The following RAB3B variants were observed in gnomAD, a reference collection of about 807,000 sequenced individuals.
The protein encoded by RAB3B is ras-related protein Rab-3B.
RAB3B carries 11 observed loss-of-function variants against 20.5 expected under a neutral mutation model. That is an observed-to-expected ratio of 0.54 (90% CI 0.34 to 0.89). The LOEUF (loss-of-function observed/expected upper bound fraction) is 0.89. Among genes scored for constraint, RAB3B ranks in the 40% least tolerant of loss-of-function variants. RAB3B has a pLI of 0.02. For synonymous variants in RAB3B, 99 were observed against 106.3 expected, an observed-to-expected ratio of 0.93 and a Z score of 0.42; for missense variants, 225 against 280.9, an observed-to-expected ratio of 0.80 and a Z score of 1.42.
At position 51,977,082 on chromosome 1, in the gene RAB3B, T is replaced by C. The variant is rs764324507; in HGVS notation, c.36A>G (p.Lys12=). The C allele has an allele frequency of 1.2e-6, 2 of 1,614,214 alleles. No homozygotes were observed. The highest frequency in any genetic ancestry group is 1.7e-6 in the Non-Finnish European group (2 of 1,180,030). ...ASVTDGKTGV[K]DASDQNFDYM... ...AGTCAAAATTCTGGTCAGAGGCATC[T>C]TTGACTCCAGTTTTACCATCTGTCA... The change falls in exon 2 of 5, where the codon AAA becomes AAG. Residue 12 remains lysine (K), a synonymous_variant. Coordinates refer to ENST00000371655, the MANE Select transcript of RAB3B (RefSeq NM_002867.4).
chr1:51,933,249 CCT>C (rs928271725), intron 4 of RAB3B, 67 bp downstream of exon 4: 33 of 1,527,702 alleles, frequency 2.2e-5, no homozygotes, highest in Non-Finnish European at 2.6e-5. Flanking sequence ...ACACTCGTAC[CCT>C]GTTTACCCCA....
chr1:51,918,786 A>G lies in RAB3B; in HGVS notation c.*1141T>C, dbSNP rs1190788860. 1 of 152,222 alleles carries G rather than the reference A, an allele frequency of 6.6e-6. No homozygotes were observed. Among genetic ancestry groups the G allele is most frequent in the African/African-American group, 2.4e-5 (1 of 41,448 alleles). 9.4% of individuals were successfully genotyped at this position (152,222 alleles called of 1,614,324 possible). A position where few individuals can be genotyped will look rare whatever the true frequency, so the allele number is the denominator to read the frequency against. ...CTCAGGTTCTAGGAGTCTAAGAACT[A>G]ATAACCAATTTCACTAAGTTCCCAC... is the stretch of plus-strand genomic sequence containing the variant. On this transcript the variant is annotated 3_prime_UTR_variant, in exon 5 of 5. Transcript: ENST00000371655.
intron 2 of RAB3B, among the ~76,000 whole-genome samples, chr1:51,957,310 A>T (rs983036929): frequency 3.9e-5 from 6 of 152,156 alleles, no homozygotes; most frequent in Admixed American, 2.6e-4. Flanking sequence ...TCCTTATCAC[A>T]TCCTCCAAGA....
intron 4 of RAB3B, among the ~76,000 whole-genome samples, chr1:51,931,156 A>G (rs898155900): frequency 1.3e-5 from 2 of 152,146 alleles, no homozygotes; most frequent in Admixed American, 1.3e-4. Flanking sequence ...TTTGGGCAAC[A>G]CTACTCCAGA....
chr1:51,923,102 A>G (rs1378280568), intron 4 of RAB3B, among the ~76,000 whole-genome samples: 1 of 152,234 alleles, frequency 6.6e-6, no homozygotes, highest in Non-Finnish European at 1.5e-5. Flanking sequence ...CATGCTAATA[A>G]AGGCATCAGT....
chr1:51,929,048 T>C (rs1280322232), intron 4 of RAB3B, among the ~76,000 whole-genome samples: 2 of 152,218 alleles, frequency 1.3e-5, no homozygotes, highest in East Asian at 3.9e-4. Context: ...ATTGGGACTA[T>C]GTTGCCATAC....
At chr1:51,970,542 C>A (rs1422374157) in intron 2 of RAB3B, among the ~76,000 whole-genome samples, 3 of 152,088 alleles carry the variant, frequency 2.0e-5, no homozygotes, top group Admixed American at 1.3e-4. Context: ...GACAGAAATT[C>A]CTATTGTGGG....
intron 2 of RAB3B, among the ~76,000 whole-genome samples, chr1:51,965,882 G>A (rs971152042): frequency 1.3e-5 from 2 of 152,012 alleles, no homozygotes; most frequent in African/African-American, 4.8e-5. Context: ...TAGGGCAACT[G>A]GGCAAAGGAC....
intron 2 of RAB3B, among the ~76,000 whole-genome samples, chr1:51,968,713 A>G (rs1319753506): frequency 1.3e-5 from 2 of 152,204 alleles, no homozygotes; most frequent in Non-Finnish European, 2.9e-5. Flanking sequence ...ACTAGCTTTA[A>G]TATTTATAAA....
At chr1:51,953,404 T>C (rs1459844123) in intron 2 of RAB3B, among the ~76,000 whole-genome samples, 1 of 152,168 alleles carries the variant, frequency 6.6e-6, no homozygotes, top group Non-Finnish European at 1.5e-5. Context: ...TTATACTTAA[T>C]ACATCCCCAG....
chr1:51,974,125 C>A (rs887556972), intron 2 of RAB3B, among the ~76,000 whole-genome samples: 8 of 152,212 alleles, frequency 5.3e-5, no homozygotes, highest in Admixed American at 3.9e-4. Flanking sequence ...CCACTCTCTG[C>A]TCTTTCACAA....
At chr1:51,966,189 A>G (rs962327836) in intron 2 of RAB3B, among the ~76,000 whole-genome samples, 8 of 152,164 alleles carry the variant, frequency 5.3e-5, no homozygotes, top group Non-Finnish European at 8.8e-5. Flanking sequence ...CCACCTGTAA[A>G]GCTCTTACTC....
chr1:51,989,142 T>A, intron 1 of RAB3B, among the ~76,000 whole-genome samples: 1 of 50,832 alleles, frequency 2.0e-5, no homozygotes. Flanking sequence ...CATCCTCTCC[T>A]TTTACTGTCT....
intron 2 of RAB3B, among the ~76,000 whole-genome samples, chr1:51,953,077 C>T (rs1684660954): frequency 1.3e-5 from 2 of 152,236 alleles, no homozygotes; most frequent in Admixed American, 1.3e-4. Flanking sequence ...TTATGAGTAC[C>T]CCACACGCAT....
intron 2 of RAB3B, among the ~76,000 whole-genome samples, chr1:51,951,891 A>C (rs972213573): frequency 1.3e-5 from 2 of 152,190 alleles, no homozygotes; most frequent in African/African-American, 4.8e-5. Flanking sequence ...AGAGGGTAGA[A>C]AAGAAGTCAC....
At chr1:51,980,383 G>A in intron 1 of RAB3B, 2 of 381,642 alleles carry the variant, frequency 5.2e-6, no homozygotes, top group Non-Finnish European at 9.6e-6. Flanking sequence ...AACCATGATT[G>A]TGCCACTGCA....
At chr1:51,980,802 C>G (rs1685077349) in intron 1 of RAB3B, 1 of 748,664 alleles carries the variant, frequency 1.3e-6, no homozygotes. Flanking sequence ...CCCCACGACC[C>G]CCACCAAAGC....
intron 4 of RAB3B, among the ~76,000 whole-genome samples, chr1:51,931,251 C>T (rs965117936): frequency 6.6e-6 from 1 of 152,084 alleles, no homozygotes; most frequent in African/African-American, 2.4e-5. Flanking sequence ...CCTGGAATGC[C>T]CTTAACTTTC....
rs1180533160 is a variant in RAB3B, at chr1:51,916,965, C to G, written c.*2962G>C. Reference sequence around the variant, plus strand: ...ATGTGATCCAAGTCTCGTAATCTCTCTGGATCATAGTTTGTCTATAAAAGA... The same window carrying G: ...ATGTGATCCAAGTCTCGTAATCTCTGTGGATCATAGTTTGTCTATAAAAGA... On this transcript the variant is annotated 3_prime_UTR_variant, in exon 5 of 5. Transcript: ENST00000371655. 1.3e-5 allele frequency: 2 copies of G among 152,182 alleles called. No homozygotes were observed. The highest frequency in any genetic ancestry group is 4.8e-5 in the African/African-American group (2 of 41,426). The allele number at this position is 152,182 out of a possible 1,614,324, so 9.4% of individuals were successfully genotyped here.
Sources: allele counts gnomAD v4.1 joint callset (sites outside exome capture counted in the v4.1 genomes callset), GRCh38; gene constraint gnomAD v4.1.1; transcripts MANE v1.5; gene names NCBI Gene and HGNC (gene_info 2026-07-23, HGNC 2026-07-21).